The following IMPG1 variants were observed in gnomAD, a reference collection of about 807,000 sequenced individuals.
IMPG1 encodes the protein interphotoreceptor matrix proteoglycan 1.
A neutral mutation model predicts 92.0 loss-of-function variants in IMPG1; 85 were observed. The ratio of observed to expected loss-of-function variants is 0.92; its 90% CI spans 0.78 to 1.11. The LOEUF is 1.11. Ranked by LOEUF, IMPG1 falls within the 50% of genes least tolerant of loss-of-function variation. The pLI, the probability that IMPG1 is intolerant of heterozygous loss-of-function variation, is 0.00. For missense variants in IMPG1, 1,022 were observed against 956.0 expected (o/e 1.07, Z -0.91); for synonymous variants, 367 against 334.1 (o/e 1.10, Z -1.08).
chr6:76,026,310 C>T lies in IMPG1; in HGVS notation c.498-1052G>A, dbSNP rs555932966. Among the ~76,000 whole-genome samples, 7 of 152,240 alleles carry T rather than the reference C, an allele frequency of 4.6e-5. No homozygotes were observed. In the South Asian group the frequency reaches 1.5e-3, roughly 32 times the overall value. ...AAGTCCTGCAACATTTTTTGGCGCC[C>T]AACGTGGGGCTCGAGAAGTGGTGAG... On this transcript the variant is annotated intron_variant, in intron 4 of 16. Transcript: ENST00000369950.
Position 75,931,179 on chromosome 6 carries a change from C to T in IMPG1, c.2045-28G>A, listed in dbSNP as rs1330264798. ...GTAAGAAATGGGGCAGATTTTAACG[C>T]ATGTATGAATAGCTAAGCAATGGAA... On this transcript the variant is annotated intron_variant, in intron 14 of 16. Transcript: ENST00000369950. The T allele has an allele frequency of 1.9e-6, 3 of 1,585,638 alleles. No individual in the cohort carries two copies. In the East Asian group the frequency reaches 6.8e-5, roughly 36 times the overall value.
chr6:75,959,385 G>A (rs1454434494), intron 12 of IMPG1, among the ~76,000 whole-genome samples: 1 of 152,204 alleles, frequency 6.6e-6, no homozygotes, highest in African/African-American at 2.4e-5. Context: ...CCTTATCAGA[G>A]CTCAAGTGCT....
intron 14 of IMPG1, among the ~76,000 whole-genome samples, chr6:75,931,943 A>G (rs766898516): frequency 4.6e-5 from 7 of 152,220 alleles, no homozygotes; most frequent in Non-Finnish European, 1.0e-4. Context: ...CTCTCAGTAG[A>G]GAAGCAACTG....
At chr6:76,049,202 G>A (rs1286213610) in intron 1 of IMPG1, among the ~76,000 whole-genome samples, 1 of 152,166 alleles carries the variant, frequency 6.6e-6, no homozygotes, top group African/African-American at 2.4e-5. Context: ...AGAGTGGAGG[G>A]TGGTTGGAGG....
intron 12 of IMPG1, among the ~76,000 whole-genome samples, chr6:75,958,185 A>C (rs1782159901): frequency 6.6e-6 from 1 of 152,186 alleles, no homozygotes; most frequent in African/African-American, 2.4e-5. Context: ...TTCTGGGTTG[A>C]AAATTCTTTT....
Position 75,957,973 on chromosome 6 carries a change from G to A in IMPG1, c.1292-6879C>T, listed in dbSNP as rs764402052. Among the ~76,000 whole-genome samples the A allele has an allele frequency of 3.8e-4, 58 of 152,252 alleles. 1 individual carries two copies. Among genetic ancestry groups the A allele is most frequent in the African/African-American group, 7.9e-4 (33 of 41,562 alleles). On this transcript the variant is annotated intron_variant, in intron 12 of 16. Coordinates refer to ENST00000369950, the MANE Select transcript of IMPG1 (RefSeq NM_001563.4). ...ATGATGTTAGCTGGTTATTTTGCCC[G>A]TTTGTTGATGGAGTTTCTTCGTAGT...
At chr6:75,925,094 A>G (rs1405508057) in intron 15 of IMPG1, among the ~76,000 whole-genome samples, 1 of 151,932 alleles carries the variant, frequency 6.6e-6, no homozygotes, top group Non-Finnish European at 1.5e-5. Flanking sequence ...ATTTCAAAAT[A>G]GCTAGAAGAG....
intron 14 of IMPG1, 75 bp downstream of exon 14, chr6:75,947,239 G>A (rs1314681180): frequency 8.6e-6 from 10 of 1,156,262 alleles, no homozygotes; most frequent in African/African-American, 4.7e-5. Flanking sequence ...AGATTGAAAC[G>A]TGTGCTTAAA....
At chr6:75,944,314 G>T (rs891847655) in intron 14 of IMPG1, among the ~76,000 whole-genome samples, 4 of 152,216 alleles carry the variant, frequency 2.6e-5, no homozygotes, top group African/African-American at 9.6e-5. Flanking sequence ...GTTTAGCACA[G>T]TGGCTTCTAG....
chr6:75,962,735 C>A (rs1007079286), intron 12 of IMPG1, among the ~76,000 whole-genome samples: 7 of 152,118 alleles, frequency 4.6e-5, no homozygotes, highest in African/African-American at 1.7e-4. Flanking sequence ...ACAAAGAAAA[C>A]TAAGTGAATA....
intron 14 of IMPG1, chr6:75,935,169 C>CT: frequency 2.6e-6 from 1 of 386,486 alleles, no homozygotes. Context: ...TGATTTCTGA[C>CT]TTTAAAAACC....
At chr6:76,033,096 TA>T (rs1165938659) in intron 4 of IMPG1, among the ~76,000 whole-genome samples, 1 of 152,110 alleles carries the variant, frequency 6.6e-6, no homozygotes, top group Non-Finnish European at 1.5e-5. Context: ...AGTGGGGTGC[TA>T]AAAATATCCT....
At chr6:76,048,361 T>C (rs1005135665) in intron 1 of IMPG1, among the ~76,000 whole-genome samples, 2 of 152,216 alleles carry the variant, frequency 1.3e-5, no homozygotes, top group African/African-American at 2.4e-5. Context: ...TTCTTTCTCT[T>C]AGCTGATGAG....
intron 5 of IMPG1, among the ~76,000 whole-genome samples, chr6:76,022,864 A>G (rs1783457805): frequency 6.6e-6 from 1 of 152,240 alleles, no homozygotes; most frequent in Admixed American, 6.5e-5. Flanking sequence ...CTCAGAGAAA[A>G]TAGTGTTATA....
intron 12 of IMPG1, among the ~76,000 whole-genome samples, chr6:75,973,852 G>C (rs1244534246): frequency 1.3e-5 from 2 of 152,194 alleles, no homozygotes; most frequent in Non-Finnish European, 2.9e-5. Flanking sequence ...ATAAAAGGGA[G>C]ACCTAACAAC....
chr6:75,938,595 T>C (rs949801599), intron 14 of IMPG1, among the ~76,000 whole-genome samples: 1 of 152,030 alleles, frequency 6.6e-6, no homozygotes, highest in African/African-American at 2.4e-5. Context: ...GGTGGATCAC[T>C]TGAGGCCATG....
chr6:75,963,027 T>G (rs1582069820), intron 12 of IMPG1, among the ~76,000 whole-genome samples: 1 of 148,852 alleles, frequency 6.7e-6, no homozygotes, highest in African/African-American at 2.5e-5. Flanking sequence ...GCCTACAGAG[T>G]GACTCTCTGT....
At chr6:76,008,614 T>C (rs907907502) in intron 8 of IMPG1, among the ~76,000 whole-genome samples, 1 of 152,194 alleles carries the variant, frequency 6.6e-6, no homozygotes, top group Non-Finnish European at 1.5e-5. Context: ...ATCCTCCCTC[T>C]TGCTTGTTTT....
intron 1 of IMPG1, among the ~76,000 whole-genome samples, chr6:76,056,768 G>T (rs998416682): frequency 3.3e-5 from 5 of 152,040 alleles, no homozygotes; most frequent in African/African-American, 1.2e-4. Context: ...TCACATTCCC[G>T]TGATGATTAG....
Sources: gnomAD v4.1 joint callset for allele counts (sites outside exome capture counted in the v4.1 genomes callset) on GRCh38, gnomAD v4.1.1 for gene constraint, MANE v1.5 for transcripts, NCBI Gene and HGNC (gene_info 2026-07-23, HGNC 2026-07-21) for gene names.